The following GPC5 variants were observed in gnomAD, a reference collection of about 807,000 sequenced individuals.
The protein encoded by GPC5 is glypican 5.
In GPC5, 47 loss-of-function variants were observed where a neutral mutation model predicts 53.9. The ratio of observed to expected loss-of-function variants is 0.87; its 90% confidence interval spans 0.69 to 1.11. The LOEUF (loss-of-function observed/expected upper bound fraction) is 1.11. Ranked by LOEUF, GPC5 falls within the 50% of genes most tolerant of loss-of-function variation. The probability of loss-of-function intolerance (pLI) is 0.00; values close to 1 mark genes in which losing one functional copy is unlikely to be tolerated. For missense variants in GPC5, 748 were observed against 713.1 expected, an observed-to-expected ratio of 1.05 and a Z score of -0.56; for synonymous variants, 286 against 263.3, an observed-to-expected ratio of 1.09 and a Z score of -0.84.
intron 6 of GPC5, among the ~76,000 whole-genome samples, chr13:92,051,485 C>A (rs1594744344): frequency 6.6e-6 from 1 of 152,284 alleles, no homozygotes; most frequent in East Asian, 1.9e-4. Flanking sequence ...CAGGCATGAG[C>A]TACTGCACCC....
intron 7 of GPC5, among the ~76,000 whole-genome samples, chr13:92,596,447 T>C (rs1883883699): frequency 1.3e-5 from 2 of 152,018 alleles, no homozygotes; most frequent in South Asian, 4.2e-4. Context: ...TATATACATA[T>C]ATGTGTATAT....
At chr13:92,018,180 T>C (rs1033907450) in intron 6 of GPC5, among the ~76,000 whole-genome samples, 1 of 152,198 alleles carries the variant, frequency 6.6e-6, no homozygotes, top group Non-Finnish European at 1.5e-5. Flanking sequence ...CATAAATGCC[T>C]ACCAAAGGTA....
chr13:91,624,955 A>T (rs1015204399), intron 2 of GPC5, among the ~76,000 whole-genome samples: 2 of 151,970 alleles, frequency 1.3e-5, no homozygotes, highest in Non-Finnish European at 2.9e-5. Context: ...TTTTTAAAAA[A>T]AATTAGAAGA....
intron 2 of GPC5, among the ~76,000 whole-genome samples, chr13:91,598,834 G>A (rs7333711): frequency 0.025 from 3,798 of 151,994 alleles, 155 homozygotes; most frequent in African/African-American, 0.086. Context: ...GTATTGGTAG[G>A]CTCAAAATTA....
chr13:92,035,425 G>A (rs2040885323), intron 6 of GPC5, among the ~76,000 whole-genome samples: 1 of 152,048 alleles, frequency 6.6e-6, no homozygotes, highest in Non-Finnish European at 1.5e-5. Context: ...CACACAGGGT[G>A]CTCTGATCGT....
intron 1 of GPC5, among the ~76,000 whole-genome samples, chr13:91,411,698 G>T (rs116069907): frequency 5.3e-5 from 8 of 152,188 alleles, no homozygotes; most frequent in African/African-American, 1.7e-4. Flanking sequence ...ACCTCACCTC[G>T]GTTATTAGCT....
At chr13:91,509,748 A>G (rs2139327043) in intron 2 of GPC5, among the ~76,000 whole-genome samples, 1 of 152,236 alleles carries the variant, frequency 6.6e-6, no homozygotes, top group South Asian at 2.1e-4. Context: ...CTATTTTATT[A>G]TAATCTTTGT....
At chr13:92,310,802 C>T (rs1005444272) in intron 7 of GPC5, among the ~76,000 whole-genome samples, 3 of 152,088 alleles carry the variant, frequency 2.0e-5, no homozygotes, top group African/African-American at 4.8e-5. Context: ...AACTTACACT[C>T]GGTAAACAAA....
intron 7 of GPC5, among the ~76,000 whole-genome samples, chr13:92,307,234 G>T (rs183430207): frequency 6.6e-6 from 1 of 152,310 alleles, no homozygotes; most frequent in East Asian, 1.9e-4. Flanking sequence ...ATATTTTTCA[G>T]TTTAAGAAAT....
At chr13:91,554,006 A>G (rs2030799130) in intron 2 of GPC5, among the ~76,000 whole-genome samples, 1 of 152,050 alleles carries the variant, frequency 6.6e-6, no homozygotes, top group African/African-American at 2.4e-5. Context: ...TTAAATATTT[A>G]TTAAATTTCC....
chr13:91,566,229 A>G (rs1415980336), intron 2 of GPC5, among the ~76,000 whole-genome samples: 1 of 152,108 alleles, frequency 6.6e-6, no homozygotes, highest in Non-Finnish European at 1.5e-5. Flanking sequence ...ACTATGTCTA[A>G]AATATTTACT....
chr13:92,675,178 G>T (rs1475103596), intron 7 of GPC5, among the ~76,000 whole-genome samples: 3 of 151,952 alleles, frequency 2.0e-5, no homozygotes, highest in Non-Finnish European at 4.4e-5. Context: ...AATAATATTT[G>T]GGAGGTAAGG....
intron 6 of GPC5, among the ~76,000 whole-genome samples, chr13:92,042,796 G>A (rs1295958412): frequency 1.3e-5 from 2 of 152,066 alleles, no homozygotes; most frequent in East Asian, 3.8e-4. Flanking sequence ...AGACTTTAAA[G>A]TAGCAGCTAA....
At chr13:92,814,990 C>A (rs1232035675) in intron 7 of GPC5, among the ~76,000 whole-genome samples, 1 of 151,820 alleles carries the variant, frequency 6.6e-6, no homozygotes, top group African/African-American at 2.4e-5. Flanking sequence ...GAATAATAAA[C>A]AATTTTATAT....
At chr13:91,870,695 A>G (rs1253693474) in intron 5 of GPC5, among the ~76,000 whole-genome samples, 1 of 152,248 alleles carries the variant, frequency 6.6e-6, no homozygotes, top group Admixed American at 6.5e-5. Flanking sequence ...GTGCTCAGGA[A>G]GAATTAAAAA....
chr13:91,693,514 C>T lies in GPC5; in HGVS notation c.653C>T (p.Ser218Phe). Residue 218 changes from serine (S) to phenylalanine (F), a missense_variant, in exon 3 of 8, where the codon TCC becomes TTC. Transcript: ENST00000377067. ...PQRVMGQMGR[S>F]LLPSRTFLQA... ...AGAGTAATGGGACAGATGGGGAGGTCCCTGCTGCCCAGCCGCACTTTTCTG... is the reference window on the plus strand; with the variant it reads ...AGAGTAATGGGACAGATGGGGAGGTTCCTGCTGCCCAGCCGCACTTTTCTG... 1 of 1,614,074 alleles carries T rather than the reference C, an allele frequency of 6.2e-7. No homozygotes were observed. The highest frequency in any genetic ancestry group is 8.5e-7 in the Non-Finnish European group (1 of 1,180,008).
rs894291926 is a variant in GPC5 at position 92,261,686 on chromosome 13, C to T, written c.1561+116697C>T. ...CTTTACTGCTTTCATATTAAAAAGACATTAACTCATGACACATTTTGCATC... is the reference window on the plus strand; with the variant it reads ...CTTTACTGCTTTCATATTAAAAAGATATTAACTCATGACACATTTTGCATC... On this transcript the variant is annotated intron_variant, in intron 7 of 7. Coordinates refer to ENST00000377067, the MANE Select transcript of GPC5 (RefSeq NM_004466.6). Among the ~76,000 whole-genome samples, 8 of 152,110 alleles carry T rather than the reference C, an allele frequency of 5.3e-5. No homozygotes were observed. In the South Asian group the frequency reaches 6.2e-4, roughly 12 times the overall value.
intron 5 of GPC5, among the ~76,000 whole-genome samples, chr13:91,764,718 GCCAA>G (rs1285247030): frequency 1.3e-5 from 2 of 152,136 alleles, no homozygotes; most frequent in African/African-American, 4.8e-5. Context: ...AGGTTCGTGT[GCCAA>G]CCTTGCACTC....
intron 7 of GPC5, among the ~76,000 whole-genome samples, chr13:92,520,169 G>T (rs1227462839): frequency 3.3e-5 from 5 of 152,098 alleles, no homozygotes; most frequent in African/African-American, 1.2e-4. Flanking sequence ...TCCAGAACCA[G>T]ACAGATTCAC....
Sources: gnomAD v4.1 joint callset for allele counts (sites outside exome capture counted in the v4.1 genomes callset) on GRCh38, gnomAD v4.1.1 for gene constraint, MANE v1.5 for transcripts, NCBI Gene and HGNC (gene_info 2026-07-23, HGNC 2026-07-21) for gene names.